Variants in G3BP2 observed in about 807,000 individuals in gnomAD.
G3BP2 encodes ras GTPase-activating protein-binding protein 2.
Under a neutral mutation model 56.7 loss-of-function variants are expected in G3BP2, and 11 were observed. That is an observed-to-expected ratio of 0.19 (90% CI 0.12 to 0.32). G3BP2 has a LOEUF of 0.32. G3BP2 is among the 10% of genes least tolerant of loss of function. The probability of loss-of-function intolerance (pLI) is 1.00; values close to 1 mark genes in which losing one functional copy is unlikely to be tolerated. For synonymous variants in G3BP2, 165 were observed against 191.6 expected, an observed-to-expected ratio of 0.86 and a Z score of 1.15; for missense variants, 340 against 610.9, an observed-to-expected ratio of 0.56 and a Z score of 4.67.
chr4:75,720,022 C>CTTTTTTTTTTTTTTT lies in G3BP2; in HGVS notation c.-25+854_-25+855insAAAAAAAAAAAAAAA, dbSNP rs67468716. Among the ~76,000 whole-genome samples the CTTTTTTTTTTTTTTT allele has an allele frequency of 2.3e-3, 227 of 97,276 alleles. 15 individuals are homozygous for CTTTTTTTTTTTTTTT. The highest frequency in any genetic ancestry group is 2.6e-3 in the Admixed American group (20 of 7,756). The allele number at this position is 97,276 out of a possible 152,430, so 63.8% of individuals were successfully genotyped here. The stretch of plus-strand genomic sequence containing the variant: ...GAGCAGGATGGGGGGGCCCAGAACC[C>CTTTTTTTTTTTTTTT]TTTTTTTTTTTTGAGAAAGGGTCTC... On this transcript the variant is annotated intron_variant, in intron 3 of 3. Transcript: ENST00000499709.
intron 3 of G3BP2, among the ~76,000 whole-genome samples, chr4:75,701,985 C>T (rs1448530731): frequency 6.6e-6 from 1 of 152,092 alleles, no homozygotes; most frequent in African/African-American, 2.4e-5. Context: ...TCAGTTCCCT[C>T]CCTGGGAGCA....
At chr4:75,722,576 T>G (rs1720218132) in intron 1 of G3BP2, among the ~76,000 whole-genome samples, 1 of 152,156 alleles carries the variant, frequency 6.6e-6, no homozygotes, top group African/African-American at 2.4e-5. Flanking sequence ...GCTTAGGGGC[T>G]TAAGTGAAGT....
chr4:75,696,315 A>T (rs1221141769), intron 3 of G3BP2, among the ~76,000 whole-genome samples: 1 of 152,206 alleles, frequency 6.6e-6, no homozygotes, highest in African/African-American at 2.4e-5. Context: ...TGACAAGTGC[A>T]CACTGAACTC....
chr4:75,672,787 G>C (rs1203568034), intron 1 of G3BP2: 2 of 155,926 alleles, frequency 1.3e-5, no homozygotes, highest in Non-Finnish European at 2.8e-5. Context: ...AAAACGATTC[G>C]GAAACAGGAA....
intron 3 of G3BP2, 45 bp from the exon 4 acceptor site, chr4:75,657,775 A>G (rs1732222853): frequency 9.4e-6 from 11 of 1,172,864 alleles, no homozygotes; most frequent in Non-Finnish European, 1.4e-5. Context: ...GTGATACTGC[A>G]TTACCTACAC....
At chr4:75,658,006 C>T (rs1732241909) in intron 3 of G3BP2, among the ~76,000 whole-genome samples, 2 of 152,180 alleles carry the variant, frequency 1.3e-5, no homozygotes, top group African/African-American at 2.4e-5. Context: ...ATTGTGTTGA[C>T]GGCTCCTTGA....
At chr4:75,648,177 G>C (rs1375920177) in intron 9 of G3BP2, among the ~76,000 whole-genome samples, 1 of 151,876 alleles carries the variant, frequency 6.6e-6, no homozygotes, top group African/African-American at 2.4e-5. Flanking sequence ...GTGAAACCCT[G>C]TCTCTACTAA....
At chr4:75,669,962 C>A (rs543578107) in intron 1 of G3BP2, among the ~76,000 whole-genome samples, 1 of 152,148 alleles carries the variant, frequency 6.6e-6, no homozygotes, top group African/African-American at 2.4e-5. Context: ...TGTGCAGTGG[C>A]GGGCGCCTGT....
Position 75,655,103 on chromosome 4 carries a change from G to C in G3BP2, c.689C>G (p.Pro230Arg). Residue 230 changes from proline (P) to arginine (R), a missense_variant, in exon 7 of 12, where the codon CCG becomes CGG. Physicochemically the swap from Pro to Arg is moderately radical, Grantham distance 103. Around this residue, in one of 4 missense-constraint regions of G3BP2, gnomAD observed 224 missense variants for 332.5 expected, o/e 0.67. Transcript: ENST00000359707. ...TTGTGGCAGAGAAACAGGTTCTGCCGGAGGAGGAGTAGTAGATTTCTCCTC... is the reference window on the plus strand; with the variant it reads ...TTGTGGCAGAGAAACAGGTTCTGCCCGAGGAGGAGTAGTAGATTTCTCCTC... ...ELEEKSTTPP[P>R]AEPVSLPQEP... 1 of 1,612,808 alleles carries C rather than the reference G, an allele frequency of 6.2e-7. No individual in the cohort carries two copies. Among genetic ancestry groups the C allele is most frequent in the Non-Finnish European group, 8.5e-7 (1 of 1,179,124 alleles).
chr4:75,660,626 G>A (rs1028814485), intron 2 of G3BP2, among the ~76,000 whole-genome samples: 3 of 152,172 alleles, frequency 2.0e-5, no homozygotes, highest in Admixed American at 6.5e-5. Context: ...AATGCCTCAA[G>A]TAAGACAGAT....
chr4:75,645,785 A>T, intron 11 of G3BP2, 83 bp from the exon 12 acceptor site: 1 of 1,257,104 alleles, frequency 8.0e-7, no homozygotes, highest in Non-Finnish European at 1.1e-6. Context: ...CAGTCAGATA[A>T]GCATAAGGAA....
intron 1 of G3BP2, among the ~76,000 whole-genome samples, chr4:75,666,503 T>C (rs1326838173): frequency 2.0e-5 from 3 of 152,172 alleles, no homozygotes; most frequent in Admixed American, 2.0e-4. Flanking sequence ...TAACCATAAC[T>C]CCGATTTGAA....
intron 1 of G3BP2, among the ~76,000 whole-genome samples, chr4:75,668,056 A>T (rs1733194399): frequency 6.6e-6 from 1 of 152,198 alleles, no homozygotes; most frequent in South Asian, 2.1e-4. Context: ...AAGCACATGC[A>T]CTTCAGCTCT....
At chr4:75,673,646 T>C (rs950722621), upstream of G3BP2, 5 of 1,229,598 alleles carry the variant, frequency 4.1e-6, no homozygotes, top group Non-Finnish European at 5.1e-6. Flanking sequence ...TGATTTGACG[T>C]CACAAGCAGG....
intron 3 of G3BP2, among the ~76,000 whole-genome samples, chr4:75,720,721 G>A (rs1338115435): frequency 6.9e-6 from 1 of 145,548 alleles, no homozygotes; most frequent in African/African-American, 2.5e-5. Flanking sequence ...GCTTGAACCC[G>A]GGAGGCCGAG....
intron 3 of G3BP2, among the ~76,000 whole-genome samples, chr4:75,711,618 CAGG>C (rs1021883721): frequency 5.9e-5 from 9 of 151,862 alleles, no homozygotes; most frequent in African/African-American, 1.9e-4. Context: ...GAGGCTGAGG[CAGG>C]AGAACTGCTT....
At chr4:75,713,933 AG>A (rs773378040) in intron 3 of G3BP2, among the ~76,000 whole-genome samples, 2 of 152,238 alleles carry the variant, frequency 1.3e-5, no homozygotes, top group Non-Finnish European at 2.9e-5. Context: ...ACCTAAATTG[AG>A]GGGCATTCTA....
chr4:75,717,185 G>A (rs1331417630), intron 3 of G3BP2, among the ~76,000 whole-genome samples: 1 of 152,126 alleles, frequency 6.6e-6, no homozygotes, highest in Non-Finnish European at 1.5e-5. Flanking sequence ...ACTCATGCCT[G>A]TAATCTCAGC....
At chr4:75,648,072 G>A (rs1404390398) in intron 9 of G3BP2, among the ~76,000 whole-genome samples, 1 of 152,124 alleles carries the variant, frequency 6.6e-6, no homozygotes, top group African/African-American at 2.4e-5. Flanking sequence ...TGACTAGGCC[G>A]GGCACAGTGG....
Sources: gnomAD v4.1 joint callset for allele counts (sites outside exome capture counted in the v4.1 genomes callset) on GRCh38, gnomAD v4.1.1 for gene constraint, gnomAD v4.1.1 regional missense constraint, MANE v1.5 for transcripts, NCBI Gene and HGNC (gene_info 2026-07-23, HGNC 2026-07-21) for gene names.